Variants in WDPCP observed in about 807,000 individuals in gnomAD.
WDPCP encodes the protein WD repeat containing planar cell polarity effector, also known as WD repeat-containing and planar cell polarity effector protein fritz homolog.
A neutral mutation model predicts 93.1 loss-of-function variants in WDPCP; 71 were observed. The ratio of observed to expected loss-of-function variants is 0.76; its 90% CI spans 0.63 to 0.93. The LOEUF (loss-of-function observed/expected upper bound fraction) is 0.93, where lower values mean the gene tolerates loss of function less well. Among genes scored for constraint, WDPCP ranks in the 40% least tolerant of loss-of-function variants. The pLI is 0.00. For synonymous variants in WDPCP, 315 were observed against 315.0 expected (o/e 1.00, Z 0.00); for missense variants, 844 against 887.4 (o/e 0.95, Z 0.62).
chr2:63,673,714 A>G (rs1237715925), intron 2 of WDPCP, among the ~76,000 whole-genome samples: 1 of 152,218 alleles, frequency 6.6e-6, no homozygotes, highest in South Asian at 2.1e-4. Flanking sequence ...AAACATTTCC[A>G]TCATATATCT....
At chr2:63,801,614 T>C (rs993734277) in intron 2 of WDPCP, among the ~76,000 whole-genome samples, 4 of 152,184 alleles carry the variant, frequency 2.6e-5, no homozygotes, top group African/African-American at 4.8e-5. Flanking sequence ...ATTGGCTACT[T>C]TTAGAATCCT....
chr2:63,452,322 C>G (rs925872268), intron 6 of WDPCP, among the ~76,000 whole-genome samples: 1 of 152,034 alleles, frequency 6.6e-6, no homozygotes, highest in African/African-American at 2.4e-5. Flanking sequence ...AGCCAAATCA[C>G]GAGCGAACTC....
chr2:63,481,809 G>C (rs1019025545), intron 6 of WDPCP, among the ~76,000 whole-genome samples: 1 of 151,272 alleles, frequency 6.6e-6, no homozygotes, highest in African/African-American at 2.4e-5. Context: ...TCGGGTGATG[G>C]GTGCACCAAA....
chr2:63,485,304 A>C (rs1368666743), intron 4 of WDPCP, among the ~76,000 whole-genome samples: 1 of 151,834 alleles, frequency 6.6e-6, no homozygotes, highest in Non-Finnish European at 1.5e-5. Context: ...TTTCATGTAA[A>C]TAATTAAATG....
chr2:63,404,017 A>G (rs760456328), intron 10 of WDPCP, 31 bp downstream of exon 10: 2 of 1,613,440 alleles, frequency 1.2e-6, no homozygotes, highest in Admixed American at 1.7e-5. Context: ...AAACATTTTA[A>G]TTTACTTACT....
intron 14 of WDPCP, among the ~76,000 whole-genome samples, chr2:63,239,821 G>T (rs143254314): frequency 1.3e-5 from 2 of 152,038 alleles, no homozygotes; most frequent in East Asian, 3.9e-4. Flanking sequence ...GTATCTAAGA[G>T]GATTTAATTT....
At chr2:63,171,183 A>G (rs1469424184) in intron 15 of WDPCP, among the ~76,000 whole-genome samples, 1 of 152,190 alleles carries the variant, frequency 6.6e-6, no homozygotes, top group Non-Finnish European at 1.5e-5. Context: ...AAGACAATCA[A>G]AAAAAGAAAA....
At chr2:63,721,862 G>A (rs1313043079) in intron 2 of WDPCP, among the ~76,000 whole-genome samples, 1 of 152,152 alleles carries the variant, frequency 6.6e-6, no homozygotes, top group Non-Finnish European at 1.5e-5. Flanking sequence ...GACTCAGCCT[G>A]CCGAGTGCCT....
upstream of WDPCP, among the ~76,000 whole-genome samples, chr2:63,592,088 T>A (rs974438637): frequency 5.3e-5 from 8 of 152,228 alleles, no homozygotes; most frequent in Non-Finnish European, 8.8e-5. Flanking sequence ...AAAATTGGTG[T>A]ATCCTTTTTG....
chr2:63,185,954 C>G (rs928271328), intron 14 of WDPCP, among the ~76,000 whole-genome samples: 30 of 152,148 alleles, frequency 2.0e-4, no homozygotes, highest in South Asian at 6.2e-4. Context: ...CAACCACTAT[C>G]TCTGAGGAGA....
chr2:63,811,849 G>C (rs867621416), intron 2 of WDPCP, among the ~76,000 whole-genome samples: 12 of 151,992 alleles, frequency 7.9e-5, no homozygotes, highest in Middle Eastern at 3.2e-3. Flanking sequence ...TTACAAGTAA[G>C]AACATACAGT....
intron 2 of WDPCP, among the ~76,000 whole-genome samples, chr2:63,719,226 G>T (rs1236371497): frequency 1.3e-5 from 2 of 152,232 alleles, no homozygotes; most frequent in African/African-American, 4.8e-5. Context: ...TATTACTGGA[G>T]CCAGAGAGAA....
chr2:63,758,658 T>G (rs1670005220), intron 2 of WDPCP, among the ~76,000 whole-genome samples: 1 of 152,194 alleles, frequency 6.6e-6, no homozygotes, highest in Non-Finnish European at 1.5e-5. Flanking sequence ...CAGGCTAGTC[T>G]CAAACTCCTG....
intron 3 of WDPCP, among the ~76,000 whole-genome samples, chr2:63,627,776 C>G (rs1392533913): frequency 6.6e-6 from 1 of 152,204 alleles, no homozygotes; most frequent in Non-Finnish European, 1.5e-5. Flanking sequence ...ATAAAATCCT[C>G]TGCATTCACC....
At chr2:63,546,580 G>A in intron 1 of WDPCP, among the ~76,000 whole-genome samples, 1 of 152,130 alleles carries the variant, frequency 6.6e-6, no homozygotes, top group Middle Eastern at 3.2e-3. Context: ...TATCTTGACT[G>A]GTGTATTCAA....
At chr2:63,510,757 A>C (rs1702179988) in intron 1 of WDPCP, among the ~76,000 whole-genome samples, 1 of 152,030 alleles carries the variant, frequency 6.6e-6, no homozygotes, top group Non-Finnish European at 1.5e-5. Context: ...GCAGATCACA[A>C]GTTCAGGTAC....
At chr2:63,346,551 C>T (rs1689205913) in intron 12 of WDPCP, among the ~76,000 whole-genome samples, 2 of 152,240 alleles carry the variant, frequency 1.3e-5, no homozygotes, top group Admixed American at 1.3e-4. Flanking sequence ...AGCCAATCCC[C>T]AGCAGGGATT....
chr2:63,566,883 G>A (rs1432097350), intron 1 of WDPCP, among the ~76,000 whole-genome samples: 1 of 152,174 alleles, frequency 6.6e-6, no homozygotes, highest in Non-Finnish European at 1.5e-5. Flanking sequence ...TGCTAGAATG[G>A]CTCATAGAAC....
intron 17 of WDPCP, among the ~76,000 whole-genome samples, chr2:63,136,590 A>G (rs758769891): frequency 4.6e-5 from 7 of 152,150 alleles, no homozygotes; most frequent in Non-Finnish European, 7.4e-5. Context: ...GGTTTGTAAC[A>G]TAGGTAAACT....
Sources: gnomAD v4.1 joint callset for allele counts (sites outside exome capture counted in the v4.1 genomes callset) on GRCh38, gnomAD v4.1.1 for gene constraint, MANE v1.5 for transcripts, NCBI Gene and HGNC (gene_info 2026-07-23, HGNC 2026-07-21) for gene names.